ARFGEF1: variants seen among roughly 807,000 people sequenced by gnomAD.
The protein encoded by ARFGEF1 is brefeldin A-inhibited guanine nucleotide-exchange protein 1.
ARFGEF1 carries 42 observed loss-of-function variants against 231.0 expected under a neutral mutation model. The ratio of observed to expected loss-of-function variants is 0.18; its 90% CI spans 0.14 to 0.24. The LOEUF (loss-of-function observed/expected upper bound fraction) is 0.24. Among genes scored for constraint, ARFGEF1 ranks in the 10% least tolerant of loss-of-function variants. The pLI, the probability that ARFGEF1 is intolerant of heterozygous loss-of-function variation, is 1.00. For missense variants in ARFGEF1, 1,345 were observed against 2,192.0 expected, an observed-to-expected ratio of 0.61 and a Z score of 7.72; for synonymous variants, 710 against 732.3, an observed-to-expected ratio of 0.97 and a Z score of 0.49.
At chr8:67,315,775 G>A (rs1014317635) in intron 1 of ARFGEF1, among the ~76,000 whole-genome samples, 39 of 151,978 alleles carry the variant, frequency 2.6e-4, no homozygotes, top group African/African-American at 8.7e-4. Context: ...AAAAATACAT[G>A]GAACTCAATA....
At chr8:67,232,771 T>A in intron 23 of ARFGEF1, 84 bp downstream of exon 23, 1 of 990,632 alleles carries the variant, frequency 1.0e-6, no homozygotes, top group Non-Finnish European at 1.5e-6. Context: ...ATTTTGGCAA[T>A]AATATTTTTC....
At chr8:67,234,158 CAG>C (rs1651231455) in intron 22 of ARFGEF1, among the ~76,000 whole-genome samples, 2 of 152,204 alleles carry the variant, frequency 1.3e-5, no homozygotes, top group South Asian at 4.1e-4. Flanking sequence ...GCAAACATAA[CAG>C]ATGATATCAT....
intron 23 of ARFGEF1, among the ~76,000 whole-genome samples, chr8:67,231,602 T>C (rs928016254): frequency 1.3e-5 from 2 of 151,962 alleles, no homozygotes; most frequent in African/African-American, 2.4e-5. Context: ...AAAATGACAG[T>C]GAAGATGATT....
chr8:67,204,971 CAGTAAA>C (rs1317775748), intron 34 of ARFGEF1, 152 bp from the exon 35 acceptor site: 15 of 874,866 alleles, frequency 1.7e-5, no homozygotes, highest in Non-Finnish European at 2.4e-5. Context: ...AGGCACTACT[CAGTAAA>C]AGTTTAACTG....
chr8:67,283,750 T>G (rs1274792741), intron 7 of ARFGEF1, among the ~76,000 whole-genome samples: 2 of 132,352 alleles, frequency 1.5e-5, no homozygotes, highest in Non-Finnish European at 3.2e-5. Flanking sequence ...GATGTTTAAT[T>G]TCACTCATAG....
chr8:67,326,069 T>TG (rs1807818037), intron 1 of ARFGEF1, among the ~76,000 whole-genome samples: 1 of 152,104 alleles, frequency 6.6e-6, no homozygotes. Context: ...CATGGTGGCA[T>TG]GCACATGTAG....
chr8:67,277,806 A>T (rs2128900559), intron 7 of ARFGEF1, among the ~76,000 whole-genome samples: 1 of 152,346 alleles, frequency 6.6e-6, no homozygotes, highest in African/African-American at 2.4e-5. Context: ...TCGAAAAAAT[A>T]TCTCATTGTC....
At chr8:67,297,592 T>C (rs1806292231) in intron 4 of ARFGEF1, among the ~76,000 whole-genome samples, 2 of 152,106 alleles carry the variant, frequency 1.3e-5, no homozygotes, top group Non-Finnish European at 1.5e-5. Flanking sequence ...AAAAAACAAA[T>C]TCCTAAGGCA....
intron 36 of ARFGEF1, among the ~76,000 whole-genome samples, chr8:67,202,239 CATAATT>C (rs1357224042): frequency 6.6e-6 from 1 of 152,040 alleles, no homozygotes; most frequent in Non-Finnish European, 1.5e-5. Flanking sequence ...TTTTGCAACT[CATAATT>C]ATATTTCTTT....
chr8:67,323,894 G>C (rs1332883980), intron 1 of ARFGEF1, among the ~76,000 whole-genome samples: 1 of 151,730 alleles, frequency 6.6e-6, no homozygotes, highest in Non-Finnish European at 1.5e-5. Context: ...TCCGCCCCTT[G>C]AGTTCATGCC....
At chr8:67,313,989 G>A (rs1317243073) in intron 1 of ARFGEF1, among the ~76,000 whole-genome samples, 2 of 152,118 alleles carry the variant, frequency 1.3e-5, no homozygotes. Context: ...CTGGAGTTGT[G>A]TATCTAGGAG....
At chr8:67,336,178 T>C (rs778440569) in intron 1 of ARFGEF1, among the ~76,000 whole-genome samples, 2 of 152,248 alleles carry the variant, frequency 1.3e-5, no homozygotes, top group African/African-American at 2.4e-5. Context: ...TTTTTAAATA[T>C]TCTTAAATAC....
chr8:67,195,328 G>GTCTC, downstream of ARFGEF1: 1 of 1,121,504 alleles, frequency 8.9e-7, no homozygotes, highest in Non-Finnish European at 1.4e-6. Flanking sequence ...CTGCGCTTAT[G>GTCTC]TCTCCTGCCT....
chr8:67,202,922 A>G (rs1320147361), intron 36 of ARFGEF1, among the ~76,000 whole-genome samples, 161 bp downstream of exon 36: 1 of 152,184 alleles, frequency 6.6e-6, no homozygotes, highest in Admixed American at 6.5e-5. Flanking sequence ...GTAGACCAGA[A>G]AAGGGCCTCG....
chr8:67,233,378 G>A (rs1839615608), intron 22 of ARFGEF1, among the ~76,000 whole-genome samples: 1 of 151,876 alleles, frequency 6.6e-6, no homozygotes, highest in African/African-American at 2.4e-5. Flanking sequence ...AATTCTACCT[G>A]TATTTTCTAA....
chr8:67,241,536 A>G (rs1457509589), intron 19 of ARFGEF1, among the ~76,000 whole-genome samples: 1 of 152,180 alleles, frequency 6.6e-6, no homozygotes, highest in African/African-American at 2.4e-5. Context: ...TCAAATTACA[A>G]CTAAATAATA....
At chr8:67,309,571 T>C (rs1461285956) in intron 1 of ARFGEF1, among the ~76,000 whole-genome samples, 1 of 152,222 alleles carries the variant, frequency 6.6e-6, no homozygotes, top group African/African-American at 2.4e-5. Flanking sequence ...AGTGACACTG[T>C]TCCTAAAGCC....
intron 22 of ARFGEF1, among the ~76,000 whole-genome samples, chr8:67,236,408 A>ATATG (rs1839770985): frequency 1.3e-4 from 14 of 105,554 alleles, no homozygotes; most frequent in Admixed American, 3.3e-4. Flanking sequence ...ATATATATAT[A>ATATG]TATGTATCCA....
Position 67,216,487 on chromosome 8 carries a change from T to TA in ARFGEF1, c.4686+102dup, listed in dbSNP as rs1390810686. 5.8e-6 allele frequency: 6 copies of TA among 1,040,994 alleles called. No individual in the cohort carries two copies. In the Admixed American group the frequency reaches 2.0e-4, roughly 35 times the overall value. 64.5% of individuals were successfully genotyped at this position (1,040,994 alleles called of 1,614,324 possible). On this transcript the variant is annotated intron_variant, in intron 33 of 38. Transcript: ENST00000262215. ...AATCCAGTCTCAGATATTTTTTTAATAGCAGGAATGGATTAAGACAATTAC... is the reference window on the plus strand; with the variant it reads ...AATCCAGTCTCAGATATTTTTTTAATAAGCAGGAATGGATTAAGACAATTAC...
Sources: allele counts gnomAD v4.1 joint callset (sites outside exome capture counted in the v4.1 genomes callset), GRCh38; gene constraint gnomAD v4.1.1; transcripts MANE v1.5; gene names NCBI Gene and HGNC (gene_info 2026-07-23, HGNC 2026-07-21).